SYNJ1: variants seen among roughly 807,000 people sequenced by gnomAD.
The protein encoded by SYNJ1 is synaptojanin 1, also known as polyphosphatidylinositol phosphatase SYNJ1.
SYNJ1 carries 78 observed loss-of-function variants against 168.2 expected under a neutral mutation model. The observed-to-expected ratio is 0.46, with a 90% CI of 0.39 to 0.56. SYNJ1 has a LOEUF of 0.56. SYNJ1 is among the 20% of genes least tolerant of loss of function. The probability of loss-of-function intolerance (pLI) is 0.00; values close to 1 mark genes in which losing one functional copy is unlikely to be tolerated. For missense variants in SYNJ1, 1,303 were observed against 1,597.6 expected (o/e 0.82, Z 3.14); for synonymous variants, 539 against 548.6 (o/e 0.98, Z 0.24).
chr21:32,694,612 C>T (rs772106288), intron 5 of SYNJ1, among the ~76,000 whole-genome samples: 4 of 152,042 alleles, frequency 2.6e-5, no homozygotes, highest in Non-Finnish European at 5.9e-5. Flanking sequence ...CTCTTTATAA[C>T]CTAATTTGAA....
intron 2 of SYNJ1, among the ~76,000 whole-genome samples, chr21:32,708,445 C>T (rs755846890): frequency 1.3e-5 from 2 of 152,134 alleles, no homozygotes; most frequent in African/African-American, 2.4e-5. Flanking sequence ...AGATGCTAGG[C>T]AAAACAAACC....
chr21:32,719,278 T>C (rs947931074), intron 2 of SYNJ1, among the ~76,000 whole-genome samples: 8 of 152,238 alleles, frequency 5.3e-5, no homozygotes, highest in African/African-American at 1.9e-4. Context: ...TGAGTTGTCA[T>C]ATTAGATTGC....
At chr21:32,722,202 AAAAATATATATATAT>A (rs2043259596) in intron 2 of SYNJ1, among the ~76,000 whole-genome samples, 1 of 94,510 alleles carries the variant, frequency 1.1e-5, no homozygotes, top group African/African-American at 4.0e-5. Context: ...AAAAAAAAAA[AAAAATATATATATAT>A]ATATATATAT....
At chr21:32,700,334 G>A (rs138560484) in intron 3 of SYNJ1, among the ~76,000 whole-genome samples, 1 of 152,282 alleles carries the variant, frequency 6.6e-6, no homozygotes, top group African/African-American at 2.4e-5. Flanking sequence ...AATTGTTCCT[G>A]AACTTATTCT....
At chr21:32,670,483 G>T in intron 14 of SYNJ1, 111 bp from the exon 15 acceptor site, 1 of 817,434 alleles carries the variant, frequency 1.2e-6, no homozygotes, top group Non-Finnish European at 1.9e-6. Flanking sequence ...TGTGTTTTGA[G>T]TTTAACCAAA....
At chr21:32,695,585 C>T (rs2042172952) in intron 4 of SYNJ1, among the ~76,000 whole-genome samples, 1 of 151,792 alleles carries the variant, frequency 6.6e-6, no homozygotes, top group Non-Finnish European at 1.5e-5. Context: ...AAAAGGAATA[C>T]ATATGCATGT....
intron 31 of SYNJ1, 86 bp downstream of exon 31, chr21:32,638,822 A>C (rs1479941489): frequency 1.5e-6 from 2 of 1,296,424 alleles, no homozygotes; most frequent in African/African-American, 3.0e-5. Context: ...TTTACTTCTT[A>C]TAACAGGCAA....
At position 32,699,862 on chromosome 21, in the gene SYNJ1, T is replaced by C. The variant is rs766091867; in HGVS notation, c.455A>G (p.Gln152Arg). ...SLNAHRSMQE[Q>R]TTDNRFFWNQ... is the part of the protein sequence containing the mutation. Reference sequence around the variant, plus strand: ...CCAGAAAAATCTATTATCAGTTGTCTGTTCTTGCATGCTACGATGCGCATT... The same window carrying C: ...CCAGAAAAATCTATTATCAGTTGTCCGTTCTTGCATGCTACGATGCGCATT... Residue 152 changes from glutamine (Q) to arginine (R), a missense_variant, in exon 4 of 33, where the codon CAG becomes CGG. Transcript: ENST00000674351. 2 of 1,612,426 alleles carry C rather than the reference T, an allele frequency of 1.2e-6. No homozygotes were observed. Among genetic ancestry groups the C allele is most frequent in the South Asian group, 1.1e-5 (1 of 90,738 alleles).
chr21:32,716,045 A>G (rs1308332579), intron 2 of SYNJ1, among the ~76,000 whole-genome samples: 1 of 152,242 alleles, frequency 6.6e-6, no homozygotes, highest in Non-Finnish European at 1.5e-5. Flanking sequence ...GCTTATATTT[A>G]TAAACTCTAT....
In SYNJ1 at chr21:32,630,724, CT is replaced by C. The variant is rs1426328946; in HGVS notation, c.*1080del. 3.9e-6 allele frequency: 1 copy of C among 253,952 alleles called. No homozygotes were observed. The highest frequency in any genetic ancestry group is 7.6e-6 in the Non-Finnish European group (1 of 132,210). The allele number at this position is 253,952 out of a possible 1,614,324, so 15.7% of individuals were successfully genotyped here. A position where few individuals can be genotyped will look rare whatever the true frequency, so the allele number is the denominator to read the frequency against. ...TGACCGAAAAGTTTCTGAATAAGGACTGTTTTCTAAAGTATAAGTACTTTTT... is the reference window on the plus strand; with the variant it reads ...TGACCGAAAAGTTTCTGAATAAGGACGTTTTCTAAAGTATAAGTACTTTTT... On this transcript the variant is annotated 3_prime_UTR_variant, in exon 33 of 33. Transcript: ENST00000674351.
intron 9 of SYNJ1, among the ~76,000 whole-genome samples, chr21:32,685,218 G>A (rs1051038165): frequency 1.3e-5 from 2 of 150,692 alleles, no homozygotes; most frequent in Non-Finnish European, 3.0e-5. Flanking sequence ...TACACTGCCT[G>A]CTCCATAAAA....
chr21:32,726,626 T>C (rs1370388154), intron 2 of SYNJ1, 146 bp downstream of exon 2: 5 of 1,082,382 alleles, frequency 4.6e-6, no homozygotes, highest in Non-Finnish European at 6.2e-6. Flanking sequence ...GGAAAATAAG[T>C]TTGATTAAAA....
At chr21:32,667,752 G>A (rs1018974409) in intron 15 of SYNJ1, among the ~76,000 whole-genome samples, 1 of 151,520 alleles carries the variant, frequency 6.6e-6, no homozygotes, top group Admixed American at 6.6e-5. Flanking sequence ...TCATTCATTT[G>A]AGACTTCCAA....
chr21:32,726,215 T>A (rs183261354), intron 2 of SYNJ1, among the ~76,000 whole-genome samples: 1 of 152,306 alleles, frequency 6.6e-6, no homozygotes, highest in East Asian at 1.9e-4. Context: ...AACTCAAACA[T>A]TACTAATCTA....
chr21:32,649,906 C>T (rs564636630), intron 23 of SYNJ1, among the ~76,000 whole-genome samples: 104 of 152,118 alleles, frequency 6.8e-4, no homozygotes, highest in African/African-American at 2.4e-3. Context: ...TGCACCACCA[C>T]GCCCAGCTAA....
chr21:32,684,704 G>A (rs1419401822), intron 9 of SYNJ1, among the ~76,000 whole-genome samples: 2 of 152,024 alleles, frequency 1.3e-5, no homozygotes, highest in African/African-American at 4.8e-5. Flanking sequence ...AATCTTTACT[G>A]GCATCAAGAA....
chr21:32,672,040 C>T (rs1302807213), intron 14 of SYNJ1, among the ~76,000 whole-genome samples: 1 of 49,178 alleles, frequency 2.0e-5, no homozygotes, highest in African/African-American at 8.3e-5. Context: ...GCCTGGGCAA[C>T]AAGAGCTAAA....
intron 10 of SYNJ1, among the ~76,000 whole-genome samples, chr21:32,683,407 C>A (rs2041698733): frequency 6.6e-6 from 1 of 151,512 alleles, no homozygotes; most frequent in African/African-American, 2.4e-5. Flanking sequence ...CATTCATTTT[C>A]ATTCTCACTA....
chr21:32,654,855 C>T (rs763524391), intron 21 of SYNJ1, among the ~76,000 whole-genome samples: 1 of 152,138 alleles, frequency 6.6e-6, no homozygotes, highest in Non-Finnish European at 1.5e-5. Context: ...TAAAGGGGTT[C>T]ACAGGGTTTA....
Sources: allele counts gnomAD v4.1 joint callset (sites outside exome capture counted in the v4.1 genomes callset), GRCh38; gene constraint gnomAD v4.1.1; transcripts MANE v1.5; gene names NCBI Gene and HGNC (gene_info 2026-07-23, HGNC 2026-07-21).